The following NAALADL2 variants were observed in gnomAD, a reference collection of about 807,000 sequenced individuals.
The protein encoded by NAALADL2 is inactive N-acetylated-alpha-linked acidic dipeptidase-like protein 2.
Under a neutral mutation model 87.2 loss-of-function variants are expected in NAALADL2, and 76 were observed. The observed-to-expected ratio is 0.87, with a 90% confidence interval of 0.72 to 1.05. The LOEUF (loss-of-function observed/expected upper bound fraction) is 1.05, where lower values mean the gene tolerates loss of function less well. Ranked by LOEUF, NAALADL2 falls within the 50% of genes least tolerant of loss-of-function variation. NAALADL2 has a pLI of 0.00. For missense variants in NAALADL2, 1,089 were observed against 945.8 expected, an observed-to-expected ratio of 1.15 and a Z score of -1.99; for synonymous variants, 354 against 331.0, an observed-to-expected ratio of 1.07 and a Z score of -0.75.
chr3:174,747,266 A>G (rs1578768012), intron 3 of NAALADL2, among the ~76,000 whole-genome samples: 1 of 152,306 alleles, frequency 6.6e-6, no homozygotes, highest in East Asian at 1.9e-4. Context: ...AATGTGGGCA[A>G]AGGACATGAA....
intron 1 of NAALADL2, among the ~76,000 whole-genome samples, chr3:174,504,745 C>G (rs1719099853): frequency 1.3e-5 from 2 of 152,202 alleles, no homozygotes; most frequent in South Asian, 4.1e-4. Flanking sequence ...GGCATTGGAA[C>G]TGGTCTTATG....
At chr3:174,882,618 T>TACACATATAC (rs1729421226) in intron 1 of NAALADL2, among the ~76,000 whole-genome samples, 10 of 148,474 alleles carry the variant, frequency 6.7e-5, no homozygotes, top group Admixed American at 4.0e-4. Context: ...TATGTGCATA[T>TACACATATAC]GCATATATGT....
At chr3:175,604,470 A>AT (rs371048158) in intron 10 of NAALADL2, among the ~76,000 whole-genome samples, 14,024 of 151,256 alleles carry the variant, frequency 0.093, 862 homozygotes, top group South Asian at 0.15. Context: ...CGCCTGGCTA[A>AT]TTTTTTTGTC....
At chr3:175,652,221 C>T (rs1276946725) in intron 11 of NAALADL2, among the ~76,000 whole-genome samples, 1 of 152,132 alleles carries the variant, frequency 6.6e-6, no homozygotes, top group East Asian at 1.9e-4. Flanking sequence ...TCTCTAGTAT[C>T]CCCTTTTCAG....
chr3:174,775,864 A>AC (rs1190545654), intron 3 of NAALADL2, among the ~76,000 whole-genome samples: 1 of 152,184 alleles, frequency 6.6e-6, no homozygotes, highest in Non-Finnish European at 1.5e-5. Flanking sequence ...GCAGCTGGAC[A>AC]CGAAGTCTTT....
intron 3 of NAALADL2, among the ~76,000 whole-genome samples, chr3:174,839,835 A>T (rs190370911): frequency 0.11 from 15,895 of 148,430 alleles, 949 homozygotes; most frequent in Middle Eastern, 0.14. Context: ...TAATAAAAAA[A>T]AAATAATAAA....
chr3:174,718,778 C>T (rs79421958), intron 2 of NAALADL2, among the ~76,000 whole-genome samples: 4,471 of 152,196 alleles, frequency 0.029, 238 homozygotes, highest in African/African-American at 0.1. Context: ...CAGTACTTGC[C>T]GCTCCCTTTA....
At chr3:175,700,658 A>G (rs1738865262) in intron 11 of NAALADL2, among the ~76,000 whole-genome samples, 1 of 152,176 alleles carries the variant, frequency 6.6e-6, no homozygotes, top group Middle Eastern at 3.2e-3. Flanking sequence ...ATTGGTTTTT[A>G]GAGCAACTTA....
intron 3 of NAALADL2, among the ~76,000 whole-genome samples, chr3:175,255,002 C>T (rs772643762): frequency 5.9e-5 from 9 of 152,072 alleles, no homozygotes; most frequent in African/African-American, 7.2e-5. Flanking sequence ...GACACCTGGG[C>T]GAGTATGGGT....
intron 2 of NAALADL2, among the ~76,000 whole-genome samples, chr3:174,717,743 T>G: frequency 6.6e-6 from 1 of 152,236 alleles, no homozygotes; most frequent in East Asian, 1.9e-4. Flanking sequence ...CTTAAGAGCA[T>G]TTCCTTGTAC....
At chr3:175,069,703 A>G (rs1254292906) in intron 1 of NAALADL2, among the ~76,000 whole-genome samples, 1 of 152,060 alleles carries the variant, frequency 6.6e-6, no homozygotes, top group African/African-American at 2.4e-5. Flanking sequence ...CTATAAAGAC[A>G]CATGCACACA....
chr3:175,175,652 C>T (rs1005181779), intron 2 of NAALADL2, among the ~76,000 whole-genome samples: 18 of 152,126 alleles, frequency 1.2e-4, no homozygotes, highest in Admixed American at 2.0e-4. Context: ...AATTAAGTGG[C>T]GTAGCATAAT....
intron 3 of NAALADL2, among the ~76,000 whole-genome samples, chr3:174,838,042 A>G (rs1203832164): frequency 6.6e-6 from 1 of 150,934 alleles, no homozygotes; most frequent in Non-Finnish European, 1.5e-5. Context: ...AAAAAGAAAA[A>G]AAAAAAACTA....
chr3:175,779,055 A>G (rs537061494), intron 13 of NAALADL2, among the ~76,000 whole-genome samples: 2 of 152,330 alleles, frequency 1.3e-5, no homozygotes, highest in South Asian at 2.1e-4. Flanking sequence ...GCGGCAAGAC[A>G]GAGGGGTGTG....
intron 4 of NAALADL2, among the ~76,000 whole-genome samples, chr3:175,261,953 A>G (rs1268437727): frequency 6.6e-6 from 1 of 152,076 alleles, no homozygotes; most frequent in Non-Finnish European, 1.5e-5. Flanking sequence ...GAGAGATAGG[A>G]AATGAGAATT....
chr3:175,732,543 G>A (rs1004685570), intron 11 of NAALADL2, among the ~76,000 whole-genome samples: 8 of 152,142 alleles, frequency 5.3e-5, no homozygotes, highest in Non-Finnish European at 1.0e-4. Flanking sequence ...ATTTCCAAGA[G>A]AGGATTAAAG....
At position 175,697,863 on chromosome 3, in the gene NAALADL2, ATG is replaced by A. The variant is rs1161178912; in HGVS notation, c.1897-39441_1897-39440del. On this transcript the variant is annotated intron_variant, in intron 11 of 13. Coordinates refer to ENST00000454872, the MANE Select transcript of NAALADL2 (RefSeq NM_207015.3). ...TATGTATACATATATATGTGTATATATGTATGTATACATATATATGTGTATAT... is the reference window on the plus strand; with the variant it reads ...TATGTATACATATATATGTGTATATATATGTATACATATATATGTGTATAT... Among the ~76,000 whole-genome samples the A allele has an allele frequency of 1.2e-4, 10 of 86,086 alleles. 1 individual carries two copies. Among genetic ancestry groups the A allele is most frequent in the Admixed American group, 2.4e-4 (2 of 8,510 alleles). 56.5% of individuals were successfully genotyped at this position (86,086 alleles called of 152,430 possible).
chr3:174,893,397 G>C (rs565610619), intron 1 of NAALADL2, among the ~76,000 whole-genome samples: 1 of 151,768 alleles, frequency 6.6e-6, no homozygotes, highest in East Asian at 1.9e-4. Context: ...GCAAAACACG[G>C]ACTATGATAA....
At chr3:174,730,993 T>A (rs990586280) in intron 2 of NAALADL2, among the ~76,000 whole-genome samples, 8 of 152,144 alleles carry the variant, frequency 5.3e-5, no homozygotes, top group Admixed American at 5.2e-4. Flanking sequence ...AACACAATTA[T>A]AAATTTTTTT....
Sources: allele counts gnomAD v4.1 joint callset (sites outside exome capture counted in the v4.1 genomes callset), GRCh38; gene constraint gnomAD v4.1.1; transcripts MANE v1.5; gene names NCBI Gene and HGNC (gene_info 2026-07-23, HGNC 2026-07-21).